KIFAP3: variants seen among roughly 807,000 people sequenced by gnomAD.
KIFAP3 encodes the protein kinesin-associated protein 3.
Under a neutral mutation model 106.5 loss-of-function variants are expected in KIFAP3, and 68 were observed. That is an observed-to-expected ratio of 0.64 (90% CI 0.53 to 0.78). KIFAP3 has a LOEUF of 0.78. KIFAP3 is among the 30% of genes least tolerant of loss of function. The probability of loss-of-function intolerance (pLI) is 0.00; values close to 1 mark genes in which losing one functional copy is unlikely to be tolerated. For synonymous variants in KIFAP3, 320 were observed against 311.5 expected (o/e 1.03, Z -0.29); for missense variants, 780 against 941.8 (o/e 0.83, Z 2.25).
chr1:169,959,180 C>T (rs550103246), intron 18 of KIFAP3, among the ~76,000 whole-genome samples: 10 of 152,058 alleles, frequency 6.6e-5, no homozygotes, highest in Non-Finnish European at 1.2e-4. Context: ...AACAAATCTG[C>T]AGGAGTACAA....
chr1:170,072,341 T>C (rs1671746374), intron 1 of KIFAP3, among the ~76,000 whole-genome samples: 1 of 152,166 alleles, frequency 6.6e-6, no homozygotes. Context: ...ATGAACTTTA[T>C]AAACCAGAAG....
intron 18 of KIFAP3, 136 bp from the exon 19 acceptor site, chr1:169,954,246 G>A: frequency 1.6e-6 from 1 of 615,892 alleles, no homozygotes. Context: ...GTTCTCTCTG[G>A]GAGTATGAAC....
chr1:169,973,123 A>ATATATATATATATATATATATAG (rs1553278139), intron 16 of KIFAP3, among the ~76,000 whole-genome samples: 7 of 128,652 alleles, frequency 5.4e-5, no homozygotes, highest in South Asian at 2.6e-4. Flanking sequence ...ATATATATAT[A>ATATATATATATATATATATATAG]AACAACACAA....
At chr1:170,055,250 AT>A (rs1670782620) in intron 2 of KIFAP3, 54 bp downstream of exon 2, 1 of 1,474,548 alleles carries the variant, frequency 6.8e-7, no homozygotes, top group African/African-American at 1.4e-5. Context: ...TCAGATTTGT[AT>A]AAAGTTTATA....
At chr1:170,060,045 C>T (rs1671056537) in intron 1 of KIFAP3, among the ~76,000 whole-genome samples, 1 of 152,240 alleles carries the variant, frequency 6.6e-6, no homozygotes, top group Non-Finnish European at 1.5e-5. Context: ...TTATGACAAA[C>T]CCACAGCCAA....
At chr1:169,922,172 T>TTTGTAGTAAACAG (rs1314370203) in intron 19 of KIFAP3, among the ~76,000 whole-genome samples, 1 of 151,988 alleles carries the variant, frequency 6.6e-6, no homozygotes, top group African/African-American at 2.4e-5. Flanking sequence ...GTAAAGTGAG[T>TTTGTAGTAAACAG]TTTGCTGTTT....
intron 19 of KIFAP3, among the ~76,000 whole-genome samples, chr1:169,932,908 TATTC>T (rs1002652751): frequency 1.3e-5 from 2 of 152,108 alleles, no homozygotes; most frequent in African/African-American, 4.8e-5. Flanking sequence ...ATAATCTACT[TATTC>T]ATTTGTGTCA....
At chr1:169,931,004 C>T (rs1663439499) in intron 19 of KIFAP3, among the ~76,000 whole-genome samples, 1 of 150,096 alleles carries the variant, frequency 6.7e-6, no homozygotes. Context: ...ACTGCAACCT[C>T]CACCTCCTGG....
At chr1:169,923,829 C>T (rs16862753) in intron 19 of KIFAP3, among the ~76,000 whole-genome samples, 8,515 of 152,248 alleles carry the variant, frequency 0.056, 739 homozygotes, top group African/African-American at 0.18. Context: ...GTCTCAGCTA[C>T]AACGCTGGTT....
rs767370712 is a variant in KIFAP3 at position 170,016,612 on chromosome 1, T to C, written c.1033A>G (p.Ile345Val). ...ENKNDMVEMD[I>V]VEKLVKMIPC... ...ATCATTTTCACCAGTTTTTCAACAATATCCATTTCCACCTAAGTAAAATAA... is the reference window on the plus strand; with the variant it reads ...ATCATTTTCACCAGTTTTTCAACAACATCCATTTCCACCTAAGTAAAATAA... Residue 345 changes from isoleucine to valine, a missense_variant, in exon 10 of 20, where the codon ATT becomes GTT. By Grantham distance (29) the Ile-to-Val change is conservative. Around this residue, in one of 3 missense-constraint regions of KIFAP3, gnomAD observed 588 missense variants for 678.9 expected, o/e 0.87. Transcript: ENST00000361580. 1.3e-6 allele frequency: 2 copies of C among 1,583,136 alleles called. No individual in the cohort carries two copies. The highest frequency in any genetic ancestry group is 1.7e-4 in the Middle Eastern group (1 of 5,970).
intron 9 of KIFAP3, among the ~76,000 whole-genome samples, chr1:170,020,036 A>T (rs1184991362): frequency 5.3e-5 from 8 of 152,218 alleles, no homozygotes; most frequent in Non-Finnish European, 1.0e-4. Flanking sequence ...TATAATATCA[A>T]CCAAAACCAG....
intron 5 of KIFAP3, 145 bp from the exon 6 acceptor site, chr1:170,035,698 C>T (rs1391409592): frequency 4.0e-6 from 2 of 503,418 alleles, no homozygotes; most frequent in African/African-American, 4.0e-5. Flanking sequence ...CCAATACAGA[C>T]AGCTACTTTT....
In KIFAP3 at chr1:170,023,575, T is replaced by TGG. The variant is rs146684324; in HGVS notation, c.1020+842_1020+843insCC. ...AATATGTATGTACAAATATGTGCAGTGAAGAATTATTTGTAATAGATAAAA... is the reference window on the plus strand; with the variant it reads ...AATATGTATGTACAAATATGTGCAGTGGGAAGAATTATTTGTAATAGATAAAA... On this transcript the variant is annotated intron_variant, in intron 9 of 19. Coordinates refer to ENST00000361580, the MANE Select transcript of KIFAP3 (RefSeq NM_014970.4). Among the ~76,000 whole-genome samples the TGG allele has an allele frequency of 9.5e-3, 1,451 of 152,174 alleles. 57 individuals are homozygous for TGG. The East Asian group carries it at 0.12, about 12-fold the overall frequency.
chr1:170,026,690 A>C (rs1015174062), intron 8 of KIFAP3, among the ~76,000 whole-genome samples: 3 of 152,212 alleles, frequency 2.0e-5, no homozygotes, highest in African/African-American at 7.2e-5. Flanking sequence ...GAGCATAGGA[A>C]TTTAAGTGAG....
At position 170,011,899 on chromosome 1, in the gene KIFAP3, C is replaced by T. The variant is rs550434887; in HGVS notation, c.1183+4563G>A. Among the ~76,000 whole-genome samples, 32 of 152,126 alleles carry T rather than the reference C, an allele frequency of 2.1e-4. No homozygotes were observed. The South Asian group carries it at 6.2e-3, about 30-fold the overall frequency. The stretch of plus-strand genomic sequence containing the variant: ...TATATATTAACAAATGTAAAAATGA[C>T]CATTCTAGTAATATCATGAAATCAA... On this transcript the variant is annotated intron_variant, in intron 10 of 19. Transcript: ENST00000361580.
At chr1:169,938,466 T>A (rs1194280696) in intron 19 of KIFAP3, among the ~76,000 whole-genome samples, 3 of 152,088 alleles carry the variant, frequency 2.0e-5, no homozygotes, top group African/African-American at 7.2e-5. Flanking sequence ...TTTGAAAGGA[T>A]ACTGAAATAG....
chr1:170,081,423 G>T (rs1164975372), intron 1 of KIFAP3, among the ~76,000 whole-genome samples: 2 of 152,114 alleles, frequency 1.3e-5, no homozygotes, highest in Non-Finnish European at 2.9e-5. Flanking sequence ...TAAATTTATT[G>T]TCTTACAGTT....
At position 170,038,165 on chromosome 1, in the gene KIFAP3, T is replaced by A. The variant is rs546821114; in HGVS notation, c.517+125A>T. The A allele has an allele frequency of 1.1e-5, 8 of 751,388 alleles. No homozygotes were observed. In the African/African-American group the frequency reaches 1.5e-4, roughly 14 times the overall value. 46.5% of individuals were successfully genotyped at this position (751,388 alleles called of 1,614,324 possible). A position where few individuals can be genotyped will look rare whatever the true frequency, so the allele number is the denominator to read the frequency against. ...TCTGGAGAATATTTAAATGCTACACTCTCAATTTAAGAAATCTGAGTAAGA... is the reference window on the plus strand; with the variant it reads ...TCTGGAGAATATTTAAATGCTACACACTCAATTTAAGAAATCTGAGTAAGA... On this transcript the variant is annotated intron_variant, in intron 5 of 19. Coordinates refer to ENST00000361580, the MANE Select transcript of KIFAP3 (RefSeq NM_014970.4).
chr1:170,067,503 C>T (rs1481426978), intron 1 of KIFAP3: 2 of 152,230 alleles, frequency 1.3e-5, no homozygotes, highest in Non-Finnish European at 2.9e-5. Flanking sequence ...TTTTCACTTA[C>T]CCTAGACATC....
Sources: allele counts gnomAD v4.1 joint callset (sites outside exome capture counted in the v4.1 genomes callset), GRCh38; gene constraint gnomAD v4.1.1; regional missense constraint gnomAD v4.1.1; transcripts MANE v1.5; gene names NCBI Gene and HGNC (gene_info 2026-07-23, HGNC 2026-07-21).